Variants in CDH10 observed in about 807,000 individuals in gnomAD.
The protein encoded by CDH10 is cadherin-10.
In CDH10, 30 loss-of-function variants were observed where a neutral mutation model predicts 73.1. The ratio of observed to expected loss-of-function variants is 0.41; its 90% CI spans 0.31 to 0.56. The LOEUF is 0.56. Among genes scored for constraint, CDH10 ranks in the 20% least tolerant of loss-of-function variants. The probability of loss-of-function intolerance (pLI) is 0.27; values close to 1 mark genes in which losing one functional copy is unlikely to be tolerated. For synonymous variants in CDH10, 345 were observed against 348.2 expected (o/e 0.99, Z 0.10); for missense variants, 815 against 973.7 (o/e 0.84, Z 2.17).
At chr5:24,573,652 G>A (rs1745483087) in intron 2 of CDH10, among the ~76,000 whole-genome samples, 1 of 146,686 alleles carries the variant, frequency 6.8e-6, no homozygotes, top group African/African-American at 2.5e-5. Flanking sequence ...AGTGAGCGGA[G>A]ATCGCGCCAC....
intron 2 of CDH10, among the ~76,000 whole-genome samples, chr5:24,585,374 G>A (rs1579844262): frequency 6.6e-6 from 1 of 152,040 alleles, no homozygotes; most frequent in African/African-American, 2.4e-5. Flanking sequence ...GCCTCTAGAA[G>A]GGTCATAGTC....
intron 7 of CDH10, 23 bp downstream of exon 7, chr5:24,509,543 T>C: frequency 6.2e-7 from 1 of 1,610,798 alleles, no homozygotes. Flanking sequence ...CCGGCTGTTT[T>C]CATTTTTAAA....
chr5:24,516,983 T>A (rs1241117486), intron 5 of CDH10, among the ~76,000 whole-genome samples: 1 of 152,074 alleles, frequency 6.6e-6, no homozygotes, highest in Non-Finnish European at 1.5e-5. Flanking sequence ...AATCTAATTA[T>A]GTATTGAATA....
intron 1 of CDH10, among the ~76,000 whole-genome samples, chr5:24,608,957 T>G (rs1019566576): frequency 1.3e-5 from 2 of 152,220 alleles, no homozygotes; most frequent in Non-Finnish European, 2.9e-5. Context: ...TTCTTTGAGC[T>G]GGAGGCTTTG....
chr5:24,635,723 T>A (rs961208264), intron 1 of CDH10, among the ~76,000 whole-genome samples: 1 of 151,984 alleles, frequency 6.6e-6, no homozygotes, highest in Non-Finnish European at 1.5e-5. Flanking sequence ...ATTTTCACAA[T>A]CATTAGAGAA....
chr5:24,527,602 G>A (rs1045215025), intron 5 of CDH10, among the ~76,000 whole-genome samples: 7 of 151,824 alleles, frequency 4.6e-5, no homozygotes, highest in African/African-American at 4.8e-5. Flanking sequence ...CTACAAACCT[G>A]TACAGCATGT....
rs189427981 is a variant in CDH10 at position 24,503,123 on chromosome 5, A to G, written c.1393+1989T>C. Among the ~76,000 whole-genome samples, 12 of 152,304 alleles carry G rather than the reference A, an allele frequency of 7.9e-5. No homozygotes were observed. In the East Asian group the frequency reaches 2.1e-3, roughly 27 times the overall value. On this transcript the variant is annotated intron_variant, in intron 8 of 11. Coordinates refer to ENST00000264463, the MANE Select transcript of CDH10 (RefSeq NM_006727.5). ...TTAGTTCATTGCTGATGATCTGTCT[A>G]GCCTAATTCAATTGTTCTGGGACAC... is the stretch of plus-strand genomic sequence containing the variant.
chr5:24,499,688 GA>G lies in CDH10; in HGVS notation c.1394-1170del, dbSNP rs36056652. 9.5e-3 allele frequency among the ~76,000 whole-genome samples: 1,408 copies of G among 147,504 alleles called. 28 individuals are homozygous for G. The highest frequency in any genetic ancestry group is 0.033 in the African/African-American group (1,311 of 40,040). On this transcript the variant is annotated intron_variant, in intron 8 of 11. Coordinates refer to ENST00000264463, the MANE Select transcript of CDH10 (RefSeq NM_006727.5). ...GGTGACAGAATGAGATTCCATCTCA[GA>G]AAAAAAAAAAATGATGCATTTTCAA... is the stretch of plus-strand genomic sequence containing the variant.
chr5:24,571,200 A>G (rs2112022556), intron 2 of CDH10, among the ~76,000 whole-genome samples: 1 of 152,284 alleles, frequency 6.6e-6, no homozygotes, highest in South Asian at 2.1e-4. Flanking sequence ...GGGTAAATAT[A>G]TTAATAATTC....
chr5:24,515,766 T>C (rs138193530), intron 5 of CDH10, among the ~76,000 whole-genome samples: 1,670 of 152,284 alleles, frequency 0.011, 37 homozygotes, highest in African/African-American at 0.038. Context: ...TCATCTTGAA[T>C]TGTAGCTCCC....
intron 2 of CDH10, among the ~76,000 whole-genome samples, chr5:24,552,590 T>C (rs1445482310): frequency 6.6e-6 from 1 of 152,090 alleles, no homozygotes; most frequent in Non-Finnish European, 1.5e-5. Flanking sequence ...ACTTTGTCAA[T>C]GCAGATTTCC....
At chr5:24,628,948 T>C (rs1160401100) in intron 1 of CDH10, among the ~76,000 whole-genome samples, 1 of 151,824 alleles carries the variant, frequency 6.6e-6, no homozygotes, top group Non-Finnish European at 1.5e-5. Context: ...ATGATCCTAG[T>C]ACTTTATTCG....
chr5:24,584,776 C>A (rs1272107821), intron 2 of CDH10, among the ~76,000 whole-genome samples: 1 of 151,522 alleles, frequency 6.6e-6, no homozygotes, highest in Non-Finnish European at 1.5e-5. Context: ...ACCTCACATC[C>A]CTTTTTACTA....
rs541209570 is a variant in CDH10, at chr5:24,572,055, C to T, written c.231+21205G>A. ...TAAAATCCACGTTTTTACTAATCTA[C>T]TATTCAGGAAACAAGCAAACAAACA... On this transcript the variant is annotated intron_variant, in intron 2 of 11. Transcript: ENST00000264463. Among the ~76,000 whole-genome samples, 340 of 151,462 alleles carry T rather than the reference C, an allele frequency of 2.2e-3. 10 individuals carry two copies. The South Asian group carries it at 0.033, about 15-fold the overall frequency.
chr5:24,543,036 T>C (rs2111918386), intron 2 of CDH10, among the ~76,000 whole-genome samples: 1 of 152,198 alleles, frequency 6.6e-6, no homozygotes, highest in African/African-American at 2.4e-5. Context: ...TGAAGAAATA[T>C]TACCAAAAAA....
intron 1 of CDH10, among the ~76,000 whole-genome samples, chr5:24,642,888 A>G (rs1197007456): frequency 6.6e-6 from 1 of 151,844 alleles, no homozygotes; most frequent in Non-Finnish European, 1.5e-5. Context: ...TTCACCAGAG[A>G]AGTCAATTTG....
intron 1 of CDH10, among the ~76,000 whole-genome samples, chr5:24,617,268 A>T (rs953782047): frequency 6.6e-6 from 1 of 152,176 alleles, no homozygotes; most frequent in African/African-American, 2.4e-5. Flanking sequence ...AGACAAAAAA[A>T]TGTCTCCAGA....
In CDH10 at chr5:24,501,926, CTTT is replaced by C. The variant is rs35042550; in HGVS notation, c.1393+3183_1393+3185del. 2.8e-5 allele frequency among the ~76,000 whole-genome samples: 4 copies of C among 144,382 alleles called. No individual in the cohort carries two copies. The Admixed American group carries it at 2.8e-4, about 10-fold the overall frequency. 94.7% of individuals were successfully genotyped at this position (144,382 alleles called of 152,430 possible). On this transcript the variant is annotated intron_variant, in intron 8 of 11. Coordinates refer to ENST00000264463, the MANE Select transcript of CDH10 (RefSeq NM_006727.5). ...TTAGATGTTTTATTCTCCACATGGC[CTTT>C]TTTTTTTTAGAGGGAATCTCACTCT...
At chr5:24,536,454 A>G (rs1051985731) in intron 3 of CDH10, among the ~76,000 whole-genome samples, 1 of 152,054 alleles carries the variant, frequency 6.6e-6, no homozygotes, top group Non-Finnish European at 1.5e-5. Flanking sequence ...CTGAAAATGT[A>G]CAACTATAAC....
Sources: allele counts gnomAD v4.1 joint callset (sites outside exome capture counted in the v4.1 genomes callset), GRCh38; gene constraint gnomAD v4.1.1; transcripts MANE v1.5; gene names NCBI Gene and HGNC (gene_info 2026-07-23, HGNC 2026-07-21).